The following WWOX variants were observed in gnomAD, a reference collection of about 807,000 sequenced individuals.
WWOX encodes the protein WW domain containing oxidoreductase.
A neutral mutation model predicts 46.2 loss-of-function variants in WWOX; 69 were observed. The observed-to-expected ratio is 1.49, with a 90% confidence interval of 1.23 to 1.82. The LOEUF is 1.82. WWOX is among the 40% of genes most tolerant of loss of function. The pLI is 0.00. For synonymous variants in WWOX, 359 were observed against 202.6 expected (o/e 1.77, Z -6.56); for missense variants, 919 against 542.6 (o/e 1.69, Z -6.89).
intron 8 of WWOX, among the ~76,000 whole-genome samples, chr16:78,792,540 C>A (rs1277385652): frequency 6.6e-6 from 1 of 152,046 alleles, no homozygotes; most frequent in Non-Finnish European, 1.5e-5. Context: ...ATAAGGGGTT[C>A]GTAAAAACTT....
At chr16:78,513,151 T>C (rs1257038200) in intron 8 of WWOX, among the ~76,000 whole-genome samples, 1 of 152,224 alleles carries the variant, frequency 6.6e-6, no homozygotes, top group South Asian at 2.1e-4. Context: ...TGAATTTTGA[T>C]GATAGCATTA....
intron 4 of WWOX, among the ~76,000 whole-genome samples, chr16:78,158,085 C>A (rs889336231): frequency 6.6e-6 from 1 of 152,204 alleles, no homozygotes; most frequent in African/African-American, 2.4e-5. Flanking sequence ...GTGTGTCCAA[C>A]TTGAGTTTTC....
chr16:78,120,612 C>G lies in WWOX; in HGVS notation c.409+5458C>G, dbSNP rs116447520. ...AAAAAAAATTTCATGCAGGGAATCC[C>G]AAAATGTAATTATAGTGTGATGTTG... On this transcript the variant is annotated intron_variant, in intron 4 of 8. Coordinates refer to ENST00000566780, the MANE Select transcript of WWOX (RefSeq NM_016373.4). Among the ~76,000 whole-genome samples, 493 of 152,090 alleles carry G rather than the reference C, an allele frequency of 3.2e-3. 6 individuals carry two copies. Among genetic ancestry groups the G allele is most frequent in the African/African-American group, 0.011 (458 of 41,496 alleles).
intron 8 of WWOX, among the ~76,000 whole-genome samples, chr16:79,182,566 T>A (rs530311489): frequency 3.3e-5 from 5 of 152,050 alleles, no homozygotes; most frequent in Non-Finnish European, 5.9e-5. Flanking sequence ...GTTGGTGGGG[T>A]TATTTGTGCT....
Position 78,636,437 on chromosome 16 carries a change from G to A in WWOX, c.1056+203685G>A, listed in dbSNP as rs900044038. On this transcript the variant is annotated intron_variant, in intron 8 of 8. Coordinates refer to ENST00000566780, the MANE Select transcript of WWOX (RefSeq NM_016373.4). Reference sequence around the variant, plus strand: ...GAGGCATCCAGTTGATTGGGGAATAGTTGTTGCAAATGATAAGCTCTTTTG... The same window carrying A: ...GAGGCATCCAGTTGATTGGGGAATAATTGTTGCAAATGATAAGCTCTTTTG... Among the ~76,000 whole-genome samples the A allele has an allele frequency of 3.3e-5, 5 of 152,176 alleles. No homozygotes were observed. The East Asian group carries it at 9.6e-4, about 29-fold the overall frequency.
intron 8 of WWOX, among the ~76,000 whole-genome samples, chr16:78,685,117 C>T (rs2142246111): frequency 6.6e-6 from 1 of 152,282 alleles, no homozygotes; most frequent in East Asian, 1.9e-4. Context: ...CTCCACTTCT[C>T]TCTGCAGCGT....
At chr16:78,136,738 C>G (rs951030381) in intron 4 of WWOX, among the ~76,000 whole-genome samples, 1 of 152,208 alleles carries the variant, frequency 6.6e-6, no homozygotes, top group East Asian at 1.9e-4. Flanking sequence ...TACTACCTAA[C>G]TGAGCAGTAA....
chr16:78,407,797 C>T (rs1329259598), intron 6 of WWOX, among the ~76,000 whole-genome samples: 2 of 152,212 alleles, frequency 1.3e-5, no homozygotes, highest in African/African-American at 4.8e-5. Flanking sequence ...ACGTATCCAT[C>T]CAGATACCTA....
In WWOX at chr16:78,597,696, A is replaced by G. The variant is rs111503565; in HGVS notation, c.1056+164944A>G. 3.6e-4 allele frequency among the ~76,000 whole-genome samples: 54 copies of G among 151,960 alleles called. 1 individual carries two copies. The highest frequency in any genetic ancestry group is 1.2e-3 in the African/African-American group (50 of 41,496). ...AATTGTGGTGCCTCAGTGATCTTCT[A>G]TAACATAAGTTGATAGTCAATAATT... is the stretch of plus-strand genomic sequence containing the variant. On this transcript the variant is annotated intron_variant, in intron 8 of 8. Transcript: ENST00000566780.
At chr16:78,928,400 C>T (rs1276652266) in intron 8 of WWOX, among the ~76,000 whole-genome samples, 3 of 151,858 alleles carry the variant, frequency 2.0e-5, no homozygotes, top group African/African-American at 7.3e-5. Flanking sequence ...GACGGGGTTT[C>T]ACCGTGTTAG....
At chr16:79,052,171 C>T (rs931345271) in intron 8 of WWOX, among the ~76,000 whole-genome samples, 4 of 152,030 alleles carry the variant, frequency 2.6e-5, no homozygotes, top group Non-Finnish European at 4.4e-5. Context: ...GTATATCTCC[C>T]AATGCTATCC....
chr16:78,351,228 C>T (rs1412138643), intron 5 of WWOX, among the ~76,000 whole-genome samples: 1 of 152,210 alleles, frequency 6.6e-6, no homozygotes, highest in African/African-American at 2.4e-5. Flanking sequence ...CCCCAACAAA[C>T]ACTGCTCCCC....
intron 8 of WWOX, among the ~76,000 whole-genome samples, chr16:78,844,165 TGTAA>T (rs1567599216): frequency 4.6e-5 from 7 of 152,282 alleles, no homozygotes; most frequent in Non-Finnish European, 1.5e-5. Context: ...CAAGTAAAAC[TGTAA>T]GTGATTCCCC....
At chr16:78,810,833 C>T (rs934318586) in intron 8 of WWOX, among the ~76,000 whole-genome samples, 2 of 152,156 alleles carry the variant, frequency 1.3e-5, no homozygotes, top group Non-Finnish European at 1.5e-5. Flanking sequence ...AGACAAATGA[C>T]AGCGCAAGAT....
intron 5 of WWOX, among the ~76,000 whole-genome samples, chr16:78,340,888 G>C (rs1795916044): frequency 8.4e-6 from 1 of 118,800 alleles, no homozygotes; most frequent in South Asian, 2.5e-4. Context: ...GTTCTCTTCT[G>C]ATAATAAACT....
In WWOX at chr16:78,804,947, T is replaced by C. The variant is rs2050990498; in HGVS notation, c.1056+372195T>C. On this transcript the variant is annotated intron_variant, in intron 8 of 8. Coordinates refer to ENST00000566780, the MANE Select transcript of WWOX (RefSeq NM_016373.4). ...AATTCCTGAAAGATTGAAATATTGC[T>C]ACCAATGTCTATGGATGGTTTCCAT... 2.6e-5 allele frequency among the ~76,000 whole-genome samples: 4 copies of C among 152,388 alleles called. No homozygotes were observed. In the South Asian group the frequency reaches 8.3e-4, roughly 32 times the overall value.
chr16:78,834,881 CTG>C (rs2051934599), intron 8 of WWOX, among the ~76,000 whole-genome samples: 1 of 152,200 alleles, frequency 6.6e-6, no homozygotes, highest in Middle Eastern at 3.4e-3. Context: ...ATGATAATGA[CTG>C]TTTGTAATAA....
At position 79,114,993 on chromosome 16, in the gene WWOX, A is replaced by G. The variant is rs143201502; in HGVS notation, c.1057-96615A>G. On this transcript the variant is annotated intron_variant, in intron 8 of 8. Coordinates refer to ENST00000566780, the MANE Select transcript of WWOX (RefSeq NM_016373.4). ...TTAGCTCGCCCACAGGAACATTGCA[A>G]TAAGCACAGTATCTGCTTTCCCAGC... Among the ~76,000 whole-genome samples the G allele has an allele frequency of 1.9e-4, 29 of 152,356 alleles. No homozygotes were observed. The South Asian group carries it at 4.6e-3, about 24-fold the overall frequency.
At chr16:78,965,758 C>G (rs1428629835) in intron 8 of WWOX, among the ~76,000 whole-genome samples, 1 of 152,188 alleles carries the variant, frequency 6.6e-6, no homozygotes, top group Non-Finnish European at 1.5e-5. Flanking sequence ...AACCTCTGCA[C>G]ACACAATCTT....
Sources: gnomAD v4.1 joint callset for allele counts (sites outside exome capture counted in the v4.1 genomes callset) on GRCh38, gnomAD v4.1.1 for gene constraint, MANE v1.5 for transcripts, NCBI Gene and HGNC (gene_info 2026-07-23, HGNC 2026-07-21) for gene names.